The following LMO7 variants were observed in gnomAD, a reference collection of about 807,000 sequenced individuals.
LMO7 encodes LIM domain 7, also known as LIM domain only protein 7.
In LMO7, 120 loss-of-function variants were observed where a neutral mutation model predicts 206.5. That is an observed-to-expected ratio of 0.58 (90% CI 0.50 to 0.68). The LOEUF (loss-of-function observed/expected upper bound fraction) is 0.68. Ranked by LOEUF, LMO7 falls within the 30% of genes least tolerant of loss-of-function variation. The probability of loss-of-function intolerance (pLI) is 0.00; values close to 1 mark genes in which losing one functional copy is unlikely to be tolerated. For synonymous variants in LMO7, 706 were observed against 681.5 expected (o/e 1.04, Z -0.56); for missense variants, 1,959 against 1,957.9 (o/e 1.00, Z -0.01).
chr13:75,804,451 C>T lies in LMO7; in HGVS notation c.824C>T (p.Pro275Leu). 6.2e-7 allele frequency: 1 copy of T among 1,614,144 alleles called. No homozygotes were observed. The highest frequency in any genetic ancestry group is 8.5e-7 in the Non-Finnish European group (1 of 1,180,020). ...KSRQPSYVPA[P>L]LRKKKPDKHE... is the part of the protein sequence containing the mutation. ...AGACAGCCATCCTATGTACCAGCAC[C>T]TCTGAGAAAGAAAAAGCCAGACAAA... The change falls in exon 8 of 31, where the codon CCT (proline) becomes CTT (leucine). Residue 275 changes from proline (P) to leucine (L), a missense_variant. Transcript: ENST00000377534.
In LMO7 at chr13:75,796,616, T is replaced by C. The variant is rs1205429575; in HGVS notation, c.349-20T>C. ...GCTAATCGACTGATCTTGTTGTTCATGGATTTTTTTTTTTTTAAGGTTTTG... is the reference window on the plus strand; with the variant it reads ...GCTAATCGACTGATCTTGTTGTTCACGGATTTTTTTTTTTTTAAGGTTTTG... On this transcript the variant is annotated intron_variant, in intron 5 of 30. Coordinates refer to ENST00000377534, the MANE Select transcript of LMO7 (RefSeq NM_001306080.2). The C allele has an allele frequency of 2.0e-6, 3 of 1,464,188 alleles. No homozygotes were observed. The allele number at this position is 1,464,188 out of a possible 1,614,324, so 90.7% of individuals were successfully genotyped here.
intron 4 of LMO7, among the ~76,000 whole-genome samples, chr13:75,793,493 C>A (rs1281117805): frequency 6.6e-6 from 1 of 152,154 alleles, no homozygotes; most frequent in African/African-American, 2.4e-5. Flanking sequence ...CCAGGCTGGT[C>A]TTGAACTCCT....
Position 75,636,517 on chromosome 13 carries a change from C to T in LMO7, c.-141C>T. On this transcript the variant is annotated 5_prime_UTR_variant, in exon 1 of 31. Transcript: ENST00000377534. ...CAGAGCGCAACAAAGGGAACTAGAG[C>T]CCCGGCGCCTTCGCAGCCGGAGCGG... 6.6e-7 allele frequency: 1 copy of T among 1,510,666 alleles called. No individual in the cohort carries two copies. Among genetic ancestry groups the T allele is most frequent in the Non-Finnish European group, 8.8e-7 (1 of 1,137,496 alleles). The allele number at this position is 1,510,666 out of a possible 1,614,324, so 93.6% of individuals were successfully genotyped here.
At chr13:75,686,803 A>G (rs899760549) in intron 1 of LMO7, among the ~76,000 whole-genome samples, 8 of 152,154 alleles carry the variant, frequency 5.3e-5, no homozygotes. Context: ...CTTATTTCTC[A>G]TAGTTCTGGA....
chr13:75,755,320 C>A lies in LMO7; in HGVS notation c.211-5612C>A, dbSNP rs1008810835. 5.3e-5 allele frequency among the ~76,000 whole-genome samples: 8 copies of A among 152,296 alleles called. No individual in the cohort carries two copies. The South Asian group carries it at 1.7e-3, about 32-fold the overall frequency. ...TTTTCTTATGGCGTCATCTGCCTCTCTATTCCTGAAAGAAATCTCTTGTTG... is the reference window on the plus strand; with the variant it reads ...TTTTCTTATGGCGTCATCTGCCTCTATATTCCTGAAAGAAATCTCTTGTTG... On this transcript the variant is annotated intron_variant, in intron 3 of 30. Coordinates refer to ENST00000377534, the MANE Select transcript of LMO7 (RefSeq NM_001306080.2).
chr13:75,828,423 A>G lies in LMO7; in HGVS notation c.2949+4550A>G, dbSNP rs555851513. ...CTCACGTTTGAGGACTGCCTTATGT[A>G]TAGTTAAGAGACCACATGTTGACTT... On this transcript the variant is annotated intron_variant, in intron 15 of 30. Coordinates refer to ENST00000377534, the MANE Select transcript of LMO7 (RefSeq NM_001306080.2). Among the ~76,000 whole-genome samples the G allele has an allele frequency of 1.2e-4, 18 of 152,300 alleles. No homozygotes were observed. The South Asian group carries it at 2.9e-3, about 25-fold the overall frequency.
At position 75,807,783 on chromosome 13, in the gene LMO7, A is replaced by G; in HGVS notation, c.1500A>G (p.Leu500=). Residue 500 remains leucine (L), a synonymous_variant, in exon 10 of 31, where the codon TTA becomes TTG. Transcript: ENST00000377534. ...ATTCTGTAGAGCGAGATATAATTTTACAGTGTAGAGAAGGTGAACTTGTAC... is the reference window on the plus strand; with the variant it reads ...ATTCTGTAGAGCGAGATATAATTTTGCAGTGTAGAGAAGGTGAACTTGTAC... ...QDDSVERDII[L]QCREGELVLP... 6.2e-7 allele frequency: 1 copy of G among 1,613,968 alleles called. No homozygotes were observed. The highest frequency in any genetic ancestry group is 8.5e-7 in the Non-Finnish European group (1 of 1,179,840).
rs1402741312 is a variant in LMO7 at position 75,807,467 on chromosome 13, C to T, written c.1197-13C>T. On this transcript the variant is annotated splice_polypyrimidine_tract_variant and intron_variant, in intron 9 of 30. Transcript: ENST00000377534. ...AATAAGATTCTCTTTCCTTTTTCCTCTCTGTGCATCAGTCAGTTTTTACTG... is the reference window on the plus strand; with the variant it reads ...AATAAGATTCTCTTTCCTTTTTCCTTTCTGTGCATCAGTCAGTTTTTACTG... 1 of 1,607,952 alleles carries T rather than the reference C, an allele frequency of 6.2e-7. No homozygotes were observed. The highest frequency in any genetic ancestry group is 1.7e-5 in the Admixed American group (1 of 58,998).
intron 29 of LMO7, 23 bp downstream of exon 29, chr13:75,855,391 G>T: frequency 6.6e-7 from 1 of 1,510,828 alleles, no homozygotes; most frequent in Admixed American, 1.7e-5. Flanking sequence ...CAAACAGCTT[G>T]CAGGCCTGCA....
At chr13:75,727,564 A>C (rs1465848405) in intron 3 of LMO7, among the ~76,000 whole-genome samples, 1 of 152,090 alleles carries the variant, frequency 6.6e-6, no homozygotes, top group African/African-American at 2.4e-5. Flanking sequence ...ATATGTACTT[A>C]TGTATATATA....
intron 2 of LMO7, among the ~76,000 whole-genome samples, chr13:75,716,227 G>A (rs751415211): frequency 3.9e-5 from 6 of 152,090 alleles, no homozygotes; most frequent in Non-Finnish European, 8.8e-5. Flanking sequence ...AAATATCAAA[G>A]TCAAAAGTTC....
intron 2 of LMO7, among the ~76,000 whole-genome samples, chr13:75,629,456 C>G (rs1224239767): frequency 6.6e-6 from 1 of 152,074 alleles, no homozygotes; most frequent in Non-Finnish European, 1.5e-5. Context: ...GGAGGATCTG[C>G]TAAGCTTTTT....
intron 7 of LMO7, 167 bp from the exon 8 acceptor site, chr13:75,804,122 C>G (rs2055134862): frequency 3.0e-6 from 2 of 658,870 alleles, no homozygotes; most frequent in Non-Finnish European, 5.1e-6. Context: ...GCAAGTTCCT[C>G]CTAATGGATC....
chr13:75,840,958 A>G (rs2059514716), intron 22 of LMO7, 151 bp from the exon 23 acceptor site: 2 of 601,360 alleles, frequency 3.3e-6, no homozygotes, highest in Admixed American at 3.3e-5. Flanking sequence ...TTTCTACTAT[A>G]GGGACTAAAA....
Position 75,858,172 on chromosome 13 carries a change from G to GCAC in LMO7, c.*229_*230insCAC. The stretch of plus-strand genomic sequence containing the variant: ...GTGGGGAAAAGTGCAGTATTTACCT[G>GCAC]TTGAATTCAGCATCTTGAGAGCACA... On this transcript the variant is annotated 3_prime_UTR_variant, in exon 31 of 31. Transcript: ENST00000377534. 1 of 402,014 alleles carries GCAC rather than the reference G, an allele frequency of 2.5e-6. No individual in the cohort carries two copies. Among genetic ancestry groups the GCAC allele is most frequent in the Non-Finnish European group, 4.4e-6 (1 of 227,102 alleles). 24.9% of individuals were successfully genotyped at this position (402,014 alleles called of 1,614,324 possible). A position where few individuals can be genotyped will look rare whatever the true frequency, so the allele number is the denominator to read the frequency against.
intron 4 of LMO7, among the ~76,000 whole-genome samples, chr13:75,776,017 A>T (rs2050320590): frequency 6.7e-6 from 1 of 150,188 alleles, no homozygotes; most frequent in South Asian, 2.1e-4. Flanking sequence ...TGTTTATTGC[A>T]ACACTATTTG....
chr13:75,809,204 T>TA lies in LMO7; in HGVS notation c.1946+27dup, dbSNP rs774760230. 1.9e-5 allele frequency: 30 copies of TA among 1,603,946 alleles called. No individual in the cohort carries two copies. The African/African-American group carries it at 2.5e-4, about 14-fold the overall frequency. ...AATGGGTAAGTTGTGTGGTTCACAGTAAAAAATCTGTGCGTGTTGTTTGTT... is the reference window on the plus strand; with the variant it reads ...AATGGGTAAGTTGTGTGGTTCACAGTAAAAAAATCTGTGCGTGTTGTTTGTT... On this transcript the variant is annotated intron_variant, in intron 11 of 30. Coordinates refer to ENST00000377534, the MANE Select transcript of LMO7 (RefSeq NM_001306080.2).
chr13:75,807,252 T>A (rs1354394694), intron 9 of LMO7: 1 of 508,124 alleles, frequency 2.0e-6, no homozygotes, highest in Non-Finnish European at 3.5e-6. Flanking sequence ...TCCTGAGAAG[T>A]ATGCTCTGCT....
chr13:75,722,341 A>T lies in LMO7; in HGVS notation c.141-4688A>T, dbSNP rs542979925. ...GATATCTGTAATCTACAGGGAACTCAAACAAATCAAGAAAAAAACAATCCC... is the reference window on the plus strand; with the variant it reads ...GATATCTGTAATCTACAGGGAACTCTAACAAATCAAGAAAAAAACAATCCC... On this transcript the variant is annotated intron_variant, in intron 2 of 30. Transcript: ENST00000377534. Among the ~76,000 whole-genome samples the T allele has an allele frequency of 1.2e-3, 187 of 152,294 alleles. 1 individual carries two copies. The highest frequency in any genetic ancestry group is 4.1e-3 in the African/African-American group (171 of 41,550).
Sources: allele counts gnomAD v4.1 joint callset (sites outside exome capture counted in the v4.1 genomes callset), GRCh38; gene constraint gnomAD v4.1.1; transcripts MANE v1.5; gene names NCBI Gene and HGNC (gene_info 2026-07-23, HGNC 2026-07-21).